Variants in ZBTB20 observed in about 807,000 individuals in gnomAD.
ZBTB20 encodes zinc finger and BTB domain containing 20, also known as zinc finger and BTB domain-containing protein 20.
ZBTB20 carries 9 observed loss-of-function variants against 56.9 expected under a neutral mutation model. The ratio of observed to expected loss-of-function variants is 0.16; its 90% CI spans 0.10 to 0.28. The LOEUF (loss-of-function observed/expected upper bound fraction) is 0.28. Among genes scored for constraint, ZBTB20 ranks in the 10% least tolerant of loss-of-function variants. The pLI is 1.00. For missense variants in ZBTB20, 655 were observed against 1,003.0 expected (o/e 0.65, Z 4.69); for synonymous variants, 417 against 420.7 (o/e 0.99, Z 0.11).
chr3:114,505,051 G>A (rs2044432965), intron 6 of ZBTB20, among the ~76,000 whole-genome samples: 2 of 152,096 alleles, frequency 1.3e-5, no homozygotes, highest in Non-Finnish European at 2.9e-5. Context: ...AGACAGGTTT[G>A]GCTTGATTTG....
intron 4 of ZBTB20, among the ~76,000 whole-genome samples, chr3:114,805,453 G>A (rs568215137): frequency 1.6e-4 from 24 of 151,288 alleles, no homozygotes; most frequent in Middle Eastern, 3.4e-3. Flanking sequence ...AACTAGATTC[G>A]GATTATAGGT....
chr3:115,096,623 T>C (rs1445952814), intron 1 of ZBTB20, among the ~76,000 whole-genome samples: 3 of 152,196 alleles, frequency 2.0e-5, no homozygotes, highest in Non-Finnish European at 4.4e-5. Context: ...TTAGCAATAT[T>C]AGCCAGGTGC....
Position 114,505,672 on chromosome 3 carries a change from C to T in ZBTB20, c.-294-5281G>A, listed in dbSNP as rs116303018. On this transcript the variant is annotated intron_variant, in intron 6 of 11. Transcript: ENST00000675478. ...TCCCTTTAACGTTCTAGAAGTATTG[C>T]GTTAATTAATTCTTATGTGGGAGTC... Among the ~76,000 whole-genome samples, 1,506 of 152,070 alleles carry T rather than the reference C, an allele frequency of 9.9e-3. 33 individuals are homozygous for T. Among genetic ancestry groups the T allele is most frequent in the African/African-American group, 0.035 (1,434 of 41,496 alleles).
chr3:115,085,571 T>C (rs2082955004), intron 1 of ZBTB20, among the ~76,000 whole-genome samples: 1 of 151,970 alleles, frequency 6.6e-6, no homozygotes. Context: ...TCCATAGACA[T>C]AAAATAGTCC....
intron 1 of ZBTB20, among the ~76,000 whole-genome samples, chr3:115,072,427 G>A (rs947110527): frequency 2.6e-5 from 4 of 152,114 alleles, no homozygotes; most frequent in Non-Finnish European, 5.9e-5. Context: ...AGGTCTCATG[G>A]GTTCTAAGGA....
chr3:114,776,651 C>G (rs1001426039), intron 5 of ZBTB20, among the ~76,000 whole-genome samples: 3 of 152,138 alleles, frequency 2.0e-5, no homozygotes, highest in African/African-American at 7.2e-5. Flanking sequence ...GTTATAGCAG[C>G]CACAGGAAAC....
chr3:114,829,941 A>G (rs1014201775), intron 4 of ZBTB20, among the ~76,000 whole-genome samples: 2 of 152,016 alleles, frequency 1.3e-5, no homozygotes, highest in East Asian at 3.9e-4. Flanking sequence ...ATTACTCTTC[A>G]TTGTCTAACT....
chr3:114,408,215 G>C lies in ZBTB20; in HGVS notation c.-254-19110C>G, dbSNP rs572728188. 5.1e-4 allele frequency among the ~76,000 whole-genome samples: 77 copies of C among 152,292 alleles called. No homozygotes were observed. In the South Asian group the frequency reaches 0.016, roughly 31 times the overall value. ...ATGCTTATATGATAAAAAATACTAT[G>C]TAAGTACTGAGTTTGCTTGTTATGG... is the stretch of plus-strand genomic sequence containing the variant. On this transcript the variant is annotated intron_variant, in intron 7 of 11. Transcript: ENST00000675478.
intron 1 of ZBTB20, among the ~76,000 whole-genome samples, chr3:115,078,210 T>A (rs2082663099): frequency 6.6e-6 from 1 of 152,206 alleles, no homozygotes; most frequent in Admixed American, 6.5e-5. Context: ...TATTTGTATA[T>A]CTCACACTAT....
intron 4 of ZBTB20, among the ~76,000 whole-genome samples, chr3:114,862,702 T>C (rs1208495967): frequency 2.0e-5 from 3 of 152,132 alleles, no homozygotes; most frequent in African/African-American, 7.2e-5. Flanking sequence ...TTGGTATTTG[T>C]TGCAATAAGT....
intron 1 of ZBTB20, among the ~76,000 whole-genome samples, chr3:115,073,320 A>C (rs2082477901): frequency 6.6e-6 from 1 of 152,192 alleles, no homozygotes; most frequent in Non-Finnish European, 1.5e-5. Context: ...TACTGTAAAT[A>C]AGTTCTTGTT....
At chr3:114,387,378 T>C (rs890710592) in intron 8 of ZBTB20, 2 of 152,224 alleles carry the variant, frequency 1.3e-5, no homozygotes, top group African/African-American at 4.8e-5. Flanking sequence ...AGTTTCTGAA[T>C]AGCAAAGACT....
At chr3:115,059,780 C>T (rs562148656) in intron 2 of ZBTB20, among the ~76,000 whole-genome samples, 1 of 152,116 alleles carries the variant, frequency 6.6e-6, no homozygotes, top group Non-Finnish European at 1.5e-5. Context: ...CAGGAAAGTA[C>T]ATCCAAGCAT....
intron 6 of ZBTB20, among the ~76,000 whole-genome samples, chr3:114,690,656 CT>C (rs2062646737): frequency 6.6e-6 from 1 of 152,126 alleles, no homozygotes; most frequent in Non-Finnish European, 1.5e-5. Context: ...TGCATAATTT[CT>C]TTCCCCCCAA....
Position 114,338,911 on chromosome 3 carries a change from A to C in ZBTB20, c.*94T>G. On this transcript the variant is annotated 3_prime_UTR_variant, in exon 12 of 12. Transcript: ENST00000675478. ...AAAACAGAAAGTAAAAATGAAACCA[A>C]AACATTTCTTAAATTCTAGTGCCAT... is the stretch of plus-strand genomic sequence containing the variant. 7.2e-7 allele frequency: 1 copy of C among 1,397,724 alleles called. No homozygotes were observed. The highest frequency in any genetic ancestry group is 2.4e-5 in the East Asian group (1 of 42,434). The allele number at this position is 1,397,724 out of a possible 1,614,324, so 86.6% of individuals were successfully genotyped here. A position where few individuals can be genotyped will look rare whatever the true frequency, so the allele number is the denominator to read the frequency against.
intron 4 of ZBTB20, among the ~76,000 whole-genome samples, chr3:114,844,549 A>C (rs1008678932): frequency 1.6e-4 from 23 of 141,574 alleles, no homozygotes; most frequent in African/African-American, 6.0e-4. Context: ...AAAAAAAAAA[A>C]AAACTTTCAT....
Position 114,631,499 on chromosome 3 carries a change from TCTC to T in ZBTB20, c.-295+62026_-295+62028del, listed in dbSNP as rs539428333. On this transcript the variant is annotated intron_variant, in intron 6 of 11. Coordinates refer to ENST00000675478, the MANE Select transcript of ZBTB20 (RefSeq NM_001348800.3). ...CCTCTGCCTTCCGGGTTCAAGCAATTCTCCTGCCTCAGCCTCTTGAGTAGCTGG... is the reference window on the plus strand; with the variant it reads ...CCTCTGCCTTCCGGGTTCAAGCAATTCTGCCTCAGCCTCTTGAGTAGCTGG... Among the ~76,000 whole-genome samples the T allele has an allele frequency of 7.3e-3, 1,014 of 138,078 alleles. 9 individuals are homozygous for T. The highest frequency in any genetic ancestry group is 0.025 in the African/African-American group (943 of 38,360). 90.6% of individuals were successfully genotyped at this position (138,078 alleles called of 152,430 possible). A position where few individuals can be genotyped will look rare whatever the true frequency, so the allele number is the denominator to read the frequency against.
At chr3:115,066,134 C>T (rs761273933) in intron 2 of ZBTB20, among the ~76,000 whole-genome samples, 2 of 152,146 alleles carry the variant, frequency 1.3e-5, no homozygotes, top group Non-Finnish European at 2.9e-5. Context: ...TACAGAATCA[C>T]ATCATATTTT....
At chr3:114,526,021 A>G (rs1559911747) in intron 6 of ZBTB20, among the ~76,000 whole-genome samples, 1 of 152,202 alleles carries the variant, frequency 6.6e-6, no homozygotes, top group Non-Finnish European at 1.5e-5. Flanking sequence ...TGCCAAGATC[A>G]TCATCCTCCT....
Sources: allele counts gnomAD v4.1 joint callset (sites outside exome capture counted in the v4.1 genomes callset), GRCh38; gene constraint gnomAD v4.1.1; transcripts MANE v1.5; gene names NCBI Gene and HGNC (gene_info 2026-07-23, HGNC 2026-07-21).